Variants in SLCO1B3 observed in about 807,000 individuals in gnomAD.
SLCO1B3 encodes the protein solute carrier organic anion transporter family member 1B3, also known as liver-specific organic anion transporter 2.
SLCO1B3 carries 72 observed loss-of-function variants against 71.8 expected under a neutral mutation model. The observed-to-expected ratio is 1.00, with a 90% CI of 0.83 to 1.22. The LOEUF (loss-of-function observed/expected upper bound fraction) is 1.22, where lower values mean the gene tolerates loss of function less well. SLCO1B3 is among the 50% of genes most tolerant of loss of function. SLCO1B3 has a pLI of 0.00. For missense variants in SLCO1B3, 911 were observed against 819.7 expected (o/e 1.11, Z -1.36); for synonymous variants, 298 against 278.4 (o/e 1.07, Z -0.70).
intron 13 of SLCO1B3, among the ~76,000 whole-genome samples, chr12:20,888,851 T>C (rs918976136): frequency 1.3e-5 from 2 of 152,080 alleles, no homozygotes; most frequent in African/African-American, 4.8e-5. Context: ...TTTATTATTT[T>C]AAAGTATGTT....
In SLCO1B3 at chr12:20,862,763, G is replaced by A; in HGVS notation, c.636G>A (p.Leu212=). The change falls in exon 8 of 16, where the codon TTG becomes TTA. Residue 212 remains leucine, a synonymous_variant. Coordinates refer to ENST00000381545, the MANE Select transcript of SLCO1B3 (RefSeq NM_019844.4). ...GTTTTGTAATACTTACAGGTAGTTT[G>A]AATGCAATAGGAATGATTGGTCCAG... is the stretch of plus-strand genomic sequence containing the variant. The part of the protein sequence containing the change: ...EGHSSLYLGS[L]NAIGMIGPVI... The A allele has an allele frequency of 6.2e-7, 1 of 1,606,448 alleles. No individual in the cohort carries two copies. The highest frequency in any genetic ancestry group is 1.3e-5 in the African/African-American group (1 of 74,862).
At chr12:20,879,675 C>A in intron 11 of SLCO1B3, 44 bp downstream of exon 11, 2 of 1,255,742 alleles carry the variant, frequency 1.6e-6, no homozygotes, top group South Asian at 1.6e-5. Context: ...TGTTAACCAT[C>A]AAATTAAAAG....
In SLCO1B3 at chr12:20,844,922, C is replaced by T. The variant is rs370930620; in HGVS notation, c.85-10106C>T. ...GTGCATGCCTGTAATCTCAGCTACT[C>T]GGGAGGCTGAGGCAGGAGAATTGCT... On this transcript the variant is annotated intron_variant, in intron 3 of 15. Transcript: ENST00000381545. 7.8e-5 allele frequency: 15 copies of T among 192,678 alleles called. No homozygotes were observed. The South Asian group carries it at 1.0e-3, about 13-fold the overall frequency. The allele number at this position is 192,678 out of a possible 1,614,324, so 11.9% of individuals were successfully genotyped here.
chr12:20,868,179 C>T (rs1865408735), intron 8 of SLCO1B3, among the ~76,000 whole-genome samples: 1 of 152,128 alleles, frequency 6.6e-6, no homozygotes, highest in South Asian at 2.1e-4. Flanking sequence ...ACTATTAGTG[C>T]TAAAAAAGCA....
chr12:20,879,998 T>C (rs1865659101), intron 11 of SLCO1B3, among the ~76,000 whole-genome samples: 2 of 152,096 alleles, frequency 1.3e-5, no homozygotes, highest in African/African-American at 2.4e-5. Flanking sequence ...GTATCAGATG[T>C]CATTAAATAA....
At chr12:20,879,377 A>G in intron 10 of SLCO1B3, 59 bp from the exon 11 acceptor site, 1 of 1,215,462 alleles carries the variant, frequency 8.2e-7, no homozygotes, top group Non-Finnish European at 1.2e-6. Context: ...ATATATAAAG[A>G]CATATCAGAA....
At chr12:20,902,262 A>G (rs1682445467) in intron 15 of SLCO1B3, 1 of 165,384 alleles carries the variant, frequency 6.0e-6, no homozygotes, top group South Asian at 1.5e-4. Context: ...CTACAATGAC[A>G]GAACTTATTT....
At chr12:20,858,790 G>C in intron 5 of SLCO1B3, 1 of 299,278 alleles carries the variant, frequency 3.3e-6, no homozygotes. Context: ...TTTTAAATAA[G>C]AATAATATTA....
chr12:20,811,905 A>T lies in SLCO1B3; in HGVS notation c.-181+1141A>T, dbSNP rs534851366. Among the ~76,000 whole-genome samples, 137 of 114,834 alleles carry T rather than the reference A, an allele frequency of 1.2e-3. 4 individuals carry two copies. In the South Asian group the frequency reaches 0.036, roughly 30 times the overall value. The allele number at this position is 114,834 out of a possible 152,430, so 75.3% of individuals were successfully genotyped here. On this transcript the variant is annotated intron_variant, in intron 1 of 15. Transcript: ENST00000381545. ...TAGGTACTTTGTACTTACTTGATAC[A>T]TTTTTTTTTTTTTTTTTTTGAGAAG... is the stretch of plus-strand genomic sequence containing the variant.
intron 1 of SLCO1B3, among the ~76,000 whole-genome samples, chr12:20,813,102 A>G (rs1032955641): frequency 2.6e-5 from 4 of 152,150 alleles, no homozygotes; most frequent in Non-Finnish European, 4.4e-5. Context: ...GGGTTTCTCC[A>G]TTCATGAGTG....
At chr12:20,814,160 T>C (rs1415364765) in intron 2 of SLCO1B3, among the ~76,000 whole-genome samples, 1 of 152,192 alleles carries the variant, frequency 6.6e-6, no homozygotes, top group Non-Finnish European at 1.5e-5. Flanking sequence ...TATGCATATA[T>C]GTATGAACAA....
intron 3 of SLCO1B3, among the ~76,000 whole-genome samples, chr12:20,835,567 A>G (rs1380291620): frequency 6.6e-6 from 1 of 152,184 alleles, no homozygotes; most frequent in Non-Finnish European, 1.5e-5. Flanking sequence ...TTGCTACAGA[A>G]TAACAAGAAT....
intron 8 of SLCO1B3, among the ~76,000 whole-genome samples, chr12:20,864,902 G>T (rs1349380148): frequency 1.3e-5 from 2 of 152,030 alleles, no homozygotes; most frequent in African/African-American, 4.8e-5. Flanking sequence ...GTTAGAATGG[G>T]GAGAGTTGTT....
rs1025781862 is a variant in SLCO1B3 at position 20,855,241 on chromosome 12, A to G, written c.226+72A>G. On this transcript the variant is annotated intron_variant, in intron 4 of 15. Coordinates refer to ENST00000381545, the MANE Select transcript of SLCO1B3 (RefSeq NM_019844.4). ...AAAACAAACTGTTCATGCATGCTTT[A>G]TATCACTGGGTCTGGACTAGGTGTA... 5 of 1,298,774 alleles carry G rather than the reference A, an allele frequency of 3.8e-6. No individual in the cohort carries two copies. The African/African-American group carries it at 7.4e-5, about 19-fold the overall frequency. 80.5% of individuals were successfully genotyped at this position (1,298,774 alleles called of 1,614,324 possible).
chr12:20,867,910 C>T (rs1447789902), intron 8 of SLCO1B3, among the ~76,000 whole-genome samples: 1 of 152,128 alleles, frequency 6.6e-6, no homozygotes, highest in Non-Finnish European at 1.5e-5. Context: ...TCCTCCACTG[C>T]CTCTGCCTCT....
Position 20,883,490 on chromosome 12 carries a change from T to A in SLCO1B3, c.1570T>A (p.Cys524Ser), listed in dbSNP as rs1865732997. Residue 524 changes from cysteine to serine, a missense_variant, in exon 13 of 16, where the codon TGC (cysteine) becomes AGC (serine). Transcript: ENST00000381545. ...AAATTACTCAGCACACTTGGGTGAATGCCCAAGAGATAATACTTGTACAAG... is the reference window on the plus strand; with the variant it reads ...AAATTACTCAGCACACTTGGGTGAAAGCCCAAGAGATAATACTTGTACAAG... ...NRNYSAHLGE[C>S]PRDNTCTRKF... 4 of 1,598,610 alleles carry A rather than the reference T, an allele frequency of 2.5e-6. No homozygotes were observed. Among genetic ancestry groups the A allele is most frequent in the Non-Finnish European group, 3.4e-6 (4 of 1,170,930 alleles).
At chr12:20,869,182 G>T (rs1181379307) in intron 8 of SLCO1B3, among the ~76,000 whole-genome samples, 2 of 152,158 alleles carry the variant, frequency 1.3e-5, no homozygotes, top group Non-Finnish European at 2.9e-5. Flanking sequence ...AGCGGGTGTT[G>T]TTCCTTGACA....
intron 15 of SLCO1B3, among the ~76,000 whole-genome samples, chr12:20,909,130 T>C (rs1414135439): frequency 6.6e-6 from 1 of 151,822 alleles, no homozygotes; most frequent in African/African-American, 2.4e-5. Flanking sequence ...ATTTGCTTGA[T>C]TTCCTTGATG....
In SLCO1B3 at chr12:20,875,455, A is replaced by G. The variant is rs373072758; in HGVS notation, c.948A>G (p.Lys316=). ...NQTANLTNQG[K]NVTKNVTGFF... ...CAGCTAATTTGACCAACCAAGGAAA[A>G]AATGTTACCAAAAATGTGACTGGTA... The change falls in exon 9 of 16, where the codon AAA becomes AAG. Residue 316 remains lysine, a synonymous_variant. Coordinates refer to ENST00000381545, the MANE Select transcript of SLCO1B3 (RefSeq NM_019844.4). 1.1e-4 allele frequency: 176 copies of G among 1,601,956 alleles called. 3 individuals are homozygous for G. In the South Asian group the frequency reaches 2.0e-3, roughly 18 times the overall value.
Sources: gnomAD v4.1 joint callset for allele counts (sites outside exome capture counted in the v4.1 genomes callset) on GRCh38, gnomAD v4.1.1 for gene constraint, MANE v1.5 for transcripts, NCBI Gene and HGNC (gene_info 2026-07-23, HGNC 2026-07-21) for gene names.